Variants in NAV2 observed in about 807,000 individuals in gnomAD.
NAV2 encodes the protein neuron navigator 2.
A neutral mutation model predicts 223.2 loss-of-function variants in NAV2; 54 were observed. That is an observed-to-expected ratio of 0.24 (90% CI 0.19 to 0.30). The LOEUF (loss-of-function observed/expected upper bound fraction) is 0.30, where lower values mean the gene tolerates loss of function less well. Among genes scored for constraint, NAV2 ranks in the 10% least tolerant of loss-of-function variants. The probability of loss-of-function intolerance (pLI) is 1.00; values close to 1 mark genes in which losing one functional copy is unlikely to be tolerated. For synonymous variants in NAV2, 1,279 were observed against 1,239.3 expected (o/e 1.03, Z -0.67); for missense variants, 2,806 against 3,147.5 (o/e 0.89, Z 2.60).
At chr11:19,772,833 C>T (rs1178227658) in intron 1 of NAV2, among the ~76,000 whole-genome samples, 1 of 152,172 alleles carries the variant, frequency 6.6e-6, no homozygotes, top group Non-Finnish European at 1.5e-5. Context: ...GAGCTTTTTC[C>T]CATTAGTCAT....
chr11:19,859,862 C>CA (rs2061603953), intron 3 of NAV2, among the ~76,000 whole-genome samples: 1 of 127,026 alleles, frequency 7.9e-6, no homozygotes, highest in East Asian at 2.6e-4. Context: ...GCTGGCCGGG[C>CA]GGGGGGCTGA....
intron 1 of NAV2, among the ~76,000 whole-genome samples, chr11:19,630,520 C>T (rs1212834587): frequency 6.6e-6 from 1 of 152,092 alleles, no homozygotes; most frequent in Non-Finnish European, 1.5e-5. Flanking sequence ...ATGAGCAGGA[C>T]CCCCACTTCT....
rs1233266806 is a variant in NAV2 at position 19,977,474 on chromosome 11, A to C, written c.2646-6651A>C. On this transcript the variant is annotated intron_variant, in intron 10 of 37. Transcript: ENST00000349880. ...GAATTTCACCTTTATTTGATTCTAAAATATGTAAGAATATGCTGTGAGTAG... is the reference window on the plus strand; with the variant it reads ...GAATTTCACCTTTATTTGATTCTAACATATGTAAGAATATGCTGTGAGTAG... Among the ~76,000 whole-genome samples, 3 of 152,196 alleles carry C rather than the reference A, an allele frequency of 2.0e-5. No homozygotes were observed. The East Asian group carries it at 5.8e-4, about 29-fold the overall frequency.
intron 1 of NAV2, among the ~76,000 whole-genome samples, chr11:19,386,370 ACT>A (rs1423142229): frequency 3.4e-4 from 52 of 151,850 alleles, no homozygotes; most frequent in Admixed American, 3.4e-3. Flanking sequence ...ATTTTCTAAG[ACT>A]CTGTTTTTTC....
At chr11:19,377,911 T>A (rs1439941034) in intron 1 of NAV2, among the ~76,000 whole-genome samples, 1 of 152,094 alleles carries the variant, frequency 6.6e-6, no homozygotes, top group Non-Finnish European at 1.5e-5. Flanking sequence ...GTGTAACAGC[T>A]CAACTTGACT....
intron 10 of NAV2, among the ~76,000 whole-genome samples, chr11:19,971,935 T>G (rs1423862399): frequency 6.6e-6 from 1 of 152,170 alleles, no homozygotes; most frequent in Non-Finnish European, 1.5e-5. Context: ...ACTCCTGACC[T>G]CAGGTGATCC....
rs897773688 is a variant in NAV2 at position 19,397,852 on chromosome 11, A to T, written c.75+46825A>T. ...GACTATATATGCTAAGCATAAGCCCATACAGCTCTGAGACTGGCTGGGCTG... is the reference window on the plus strand; with the variant it reads ...GACTATATATGCTAAGCATAAGCCCTTACAGCTCTGAGACTGGCTGGGCTG... On this transcript the variant is annotated intron_variant, in intron 1 of 37. Transcript: ENST00000360655. 3.3e-4 allele frequency among the ~76,000 whole-genome samples: 51 copies of T among 152,256 alleles called. 1 individual carries two copies. The highest frequency in any genetic ancestry group is 3.1e-3 in the Admixed American group (48 of 15,294).
intron 1 of NAV2, among the ~76,000 whole-genome samples, chr11:19,662,440 G>T (rs186102427): frequency 6.6e-6 from 1 of 152,204 alleles, no homozygotes; most frequent in African/African-American, 2.4e-5. Context: ...GGTTGGCAAG[G>T]TTCATAGCAT....
At chr11:19,638,180 C>T (rs1324591479) in intron 1 of NAV2, among the ~76,000 whole-genome samples, 4 of 152,118 alleles carry the variant, frequency 2.6e-5, no homozygotes, top group Admixed American at 2.0e-4. Flanking sequence ...TGGGCCCACA[C>T]GATTGATCCA....
intron 1 of NAV2, among the ~76,000 whole-genome samples, chr11:19,623,987 G>A (rs1222322708): frequency 1.5e-4 from 23 of 152,328 alleles, no homozygotes; most frequent in Non-Finnish European, 1.5e-5. Context: ...CCTTCTAACA[G>A]TCAGGACCCT....
chr11:19,835,749 A>G (rs1286925617), intron 2 of NAV2, among the ~76,000 whole-genome samples: 2 of 151,286 alleles, frequency 1.3e-5, no homozygotes, highest in Middle Eastern at 3.4e-3. Flanking sequence ...ATAAAATTTT[A>G]TATATATCTA....
chr11:19,635,325 G>C (rs1443893740), intron 1 of NAV2, among the ~76,000 whole-genome samples: 1 of 152,122 alleles, frequency 6.6e-6, no homozygotes, highest in Non-Finnish European at 1.5e-5. Flanking sequence ...TTGCTTTTTA[G>C]ACCAATTACT....
intron 5 of NAV2, among the ~76,000 whole-genome samples, chr11:19,886,712 C>T (rs1027460169): frequency 6.6e-6 from 1 of 152,100 alleles, no homozygotes; most frequent in South Asian, 2.1e-4. Context: ...ATGCCCATCC[C>T]GTGAATGATT....
chr11:19,461,439 G>A (rs1223983528), intron 1 of NAV2, among the ~76,000 whole-genome samples: 1 of 152,208 alleles, frequency 6.6e-6, no homozygotes, highest in Non-Finnish European at 1.5e-5. Context: ...TGCGTTTTAT[G>A]TGGTTTTAGG....
intron 1 of NAV2, among the ~76,000 whole-genome samples, chr11:19,419,492 G>A (rs1850521552): frequency 1.3e-5 from 2 of 152,188 alleles, no homozygotes; most frequent in African/African-American, 4.8e-5. Context: ...CTCCCTTTCT[G>A]CGCTTTGCTT....
At chr11:19,843,313 T>C (rs1382502123) in intron 3 of NAV2, among the ~76,000 whole-genome samples, 2 of 152,190 alleles carry the variant, frequency 1.3e-5, no homozygotes, top group East Asian at 3.9e-4. Context: ...ATCTTACTAA[T>C]CAGAAACTGG....
intron 1 of NAV2, among the ~76,000 whole-genome samples, chr11:19,670,316 CATCACAGCCTTGTTGG>C (rs906951753): frequency 5.3e-5 from 8 of 152,150 alleles, no homozygotes; most frequent in Admixed American, 3.3e-4. Flanking sequence ...CTCCCCGGGC[CATCACAGCCTTGTTGG>C]ATTTCCTAGG....
chr11:19,754,860 T>C (rs1010863814), intron 1 of NAV2, among the ~76,000 whole-genome samples: 7 of 152,202 alleles, frequency 4.6e-5, no homozygotes, highest in Non-Finnish European at 7.3e-5. Flanking sequence ...GAACTCCCCT[T>C]AGCCTACCGT....
intron 1 of NAV2, among the ~76,000 whole-genome samples, chr11:19,584,197 T>C (rs2045819212): frequency 6.6e-6 from 1 of 152,224 alleles, no homozygotes; most frequent in Middle Eastern, 3.2e-3. Flanking sequence ...TGATGGTTTT[T>C]TGTATTTCTG....
Sources: gnomAD v4.1 joint callset for allele counts (sites outside exome capture counted in the v4.1 genomes callset) on GRCh38, gnomAD v4.1.1 for gene constraint, MANE v1.5 for transcripts, NCBI Gene and HGNC (gene_info 2026-07-23, HGNC 2026-07-21) for gene names.